The following PTPRR variants were observed in gnomAD, a reference collection of about 807,000 sequenced individuals.
PTPRR encodes the protein protein tyrosine phosphatase receptor type R, also known as receptor-type tyrosine-protein phosphatase R.
A neutral mutation model predicts 77.2 loss-of-function variants in PTPRR; 38 were observed. That is an observed-to-expected ratio of 0.49 (90% CI 0.38 to 0.65). The LOEUF (loss-of-function observed/expected upper bound fraction) is 0.65, where lower values mean the gene tolerates loss of function less well. Ranked by LOEUF, PTPRR falls within the 30% of genes least tolerant of loss-of-function variation. The pLI is 0.00. For synonymous variants in PTPRR, 299 were observed against 283.1 expected (o/e 1.06, Z -0.57); for missense variants, 744 against 799.2 (o/e 0.93, Z 0.83).
chr12:70,769,467 T>G (rs1203366785), intron 2 of PTPRR, among the ~76,000 whole-genome samples: 1 of 152,082 alleles, frequency 6.6e-6, no homozygotes, highest in Admixed American at 6.6e-5. Context: ...CGTGAAGGAC[T>G]TCTTCAAGGA....
chr12:70,694,733 G>A (rs1316065504), intron 8 of PTPRR, among the ~76,000 whole-genome samples: 2 of 152,104 alleles, frequency 1.3e-5, no homozygotes, highest in Admixed American at 1.3e-4. Flanking sequence ...CATGCCGTCA[G>A]AAGAAGCCCA....
At chr12:70,906,082 T>C (rs1173914954) in intron 1 of PTPRR, among the ~76,000 whole-genome samples, 1 of 151,956 alleles carries the variant, frequency 6.6e-6, no homozygotes, top group East Asian at 1.9e-4. Flanking sequence ...GGTGCCTATT[T>C]AGTATTGAGA....
At chr12:70,709,688 C>T (rs1270339241) in intron 6 of PTPRR, among the ~76,000 whole-genome samples, 8 of 152,052 alleles carry the variant, frequency 5.3e-5, no homozygotes, top group Non-Finnish European at 1.5e-5. Flanking sequence ...CATTCTTGTA[C>T]ACCAACAACA....
intron 10 of PTPRR, among the ~76,000 whole-genome samples, chr12:70,677,531 T>C (rs755841551): frequency 6.6e-6 from 1 of 152,058 alleles, no homozygotes; most frequent in Non-Finnish European, 1.5e-5. Flanking sequence ...TTCAATATGA[T>C]GTTTGTTGTG....
intron 2 of PTPRR, among the ~76,000 whole-genome samples, chr12:70,854,723 T>G (rs1427379113): frequency 6.6e-6 from 1 of 152,182 alleles, no homozygotes; most frequent in Admixed American, 6.6e-5. Context: ...ATCCACAAAC[T>G]GTGTGACTGG....
At chr12:70,670,667 G>A (rs1887190715) in intron 10 of PTPRR, among the ~76,000 whole-genome samples, 1 of 152,162 alleles carries the variant, frequency 6.6e-6, no homozygotes, top group East Asian at 1.9e-4. Flanking sequence ...GAAGTAGTAT[G>A]GGGGCTTTGT....
chr12:70,733,120 T>A (rs1889720651), intron 6 of PTPRR, among the ~76,000 whole-genome samples: 1 of 151,672 alleles, frequency 6.6e-6, no homozygotes, highest in Non-Finnish European at 1.5e-5. Flanking sequence ...AATCCATGAT[T>A]TGGAAAAAAA....
At position 70,877,831 on chromosome 12, in the gene PTPRR, A is replaced by G. The variant is rs549190570; in HGVS notation, c.357+14848T>C. Among the ~76,000 whole-genome samples the G allele has an allele frequency of 1.4e-4, 22 of 152,256 alleles. No homozygotes were observed. The East Asian group carries it at 2.9e-3, about 20-fold the overall frequency. On this transcript the variant is annotated intron_variant, in intron 2 of 13. Coordinates refer to ENST00000283228, the MANE Select transcript of PTPRR (RefSeq NM_002849.4). ...AAAAGAACAAAGCTGGAGGCATCAC[A>G]CTACCTGACTTCAAACTATACTACA...
chr12:70,814,560 A>G (rs748639596), intron 2 of PTPRR, among the ~76,000 whole-genome samples: 1 of 152,072 alleles, frequency 6.6e-6, no homozygotes, highest in Non-Finnish European at 1.5e-5. Flanking sequence ...GATCCAGCTT[A>G]TAGTGGAGAT....
At position 70,701,175 on chromosome 12, in the gene PTPRR, C is replaced by T. The variant is rs35387004; in HGVS notation, c.1156G>A (p.Val386Ile). The T allele has an allele frequency of 0.024, 38,202 of 1,613,780 alleles. 1,223 individuals are homozygous for T. The highest frequency in any genetic ancestry group is 0.16 in the African/African-American group (11,788 of 74,910). ...TGGAGTAAATGTGAACTTGCCACGA[C>T]GTCCCTCAGCTGAGACCTTGTGAGA... ...RILTRSQLRD[V>I]VASSHLLQSE... The change falls in exon 7 of 14, where the codon GTC (valine) becomes ATC (isoleucine). Residue 386 changes from valine to isoleucine, a missense_variant. Transcript: ENST00000283228.
chr12:70,672,539 G>GTTTC (rs1434530642), intron 10 of PTPRR: 38 of 1,316,190 alleles, frequency 2.9e-5, no homozygotes, highest in Non-Finnish European at 3.9e-5. Context: ...TGGCTGCTGG[G>GTTTC]AAAAACCTTC....
chr12:70,649,272 A>C (rs1886307212), intron 13 of PTPRR, among the ~76,000 whole-genome samples: 1 of 152,132 alleles, frequency 6.6e-6, no homozygotes, highest in South Asian at 2.1e-4. Flanking sequence ...TCGGTCATGA[A>C]ATGAGCCCCA....
At chr12:70,803,501 C>T (rs987789196) in intron 2 of PTPRR, among the ~76,000 whole-genome samples, 1 of 152,120 alleles carries the variant, frequency 6.6e-6, no homozygotes, top group African/African-American at 2.4e-5. Flanking sequence ...AAACATGTAA[C>T]AACTTGAAGC....
chr12:70,648,283 A>T (rs1886273295), intron 13 of PTPRR, among the ~76,000 whole-genome samples: 1 of 152,186 alleles, frequency 6.6e-6, no homozygotes, highest in Non-Finnish European at 1.5e-5. Context: ...GGCAAATGTT[A>T]TGACTATTGC....
chr12:70,742,779 C>T (rs935244240), intron 6 of PTPRR, among the ~76,000 whole-genome samples: 6 of 151,576 alleles, frequency 4.0e-5, no homozygotes, highest in Non-Finnish European at 5.9e-5. Context: ...TGGGGTTGGA[C>T]GGGGGAAACA....
At chr12:70,785,577 C>T (rs2137003525) in intron 2 of PTPRR, among the ~76,000 whole-genome samples, 1 of 152,252 alleles carries the variant, frequency 6.6e-6, no homozygotes, top group South Asian at 2.1e-4. Context: ...CTTCCAAGTA[C>T]AAATTCACTG....
intron 2 of PTPRR, among the ~76,000 whole-genome samples, chr12:70,801,610 A>G (rs1366176736): frequency 1.3e-5 from 2 of 152,156 alleles, no homozygotes; most frequent in African/African-American, 4.8e-5. Flanking sequence ...TTGTATCATC[A>G]GCTCTCCTGG....
At chr12:70,657,784 C>T (rs186654395) in intron 12 of PTPRR, among the ~76,000 whole-genome samples, 82 of 152,238 alleles carry the variant, frequency 5.4e-4, no homozygotes, top group African/African-American at 1.9e-3. Flanking sequence ...CCTTTCTCAC[C>T]TCCCACATCC....
At chr12:70,790,603 T>C (rs534134575) in intron 2 of PTPRR, among the ~76,000 whole-genome samples, 1 of 152,276 alleles carries the variant, frequency 6.6e-6, no homozygotes, top group East Asian at 1.9e-4. Context: ...AATTGCATCC[T>C]TGACATACCC....
Sources: gnomAD v4.1 joint callset for allele counts (sites outside exome capture counted in the v4.1 genomes callset) on GRCh38, gnomAD v4.1.1 for gene constraint, MANE v1.5 for transcripts, NCBI Gene and HGNC (gene_info 2026-07-23, HGNC 2026-07-21) for gene names.